RTN4IP1: variants seen among roughly 807,000 people sequenced by gnomAD.
The protein encoded by RTN4IP1 is NAD(P)H oxidoreductase RTN4IP1, mitochondrial.
In RTN4IP1, 32 loss-of-function variants were observed where a neutral mutation model predicts 46.6. That is an observed-to-expected ratio of 0.69 (90% CI 0.52 to 0.92). The LOEUF (loss-of-function observed/expected upper bound fraction) is 0.92, where lower values mean the gene tolerates loss of function less well. Among genes scored for constraint, RTN4IP1 ranks in the 40% least tolerant of loss-of-function variants. The probability of loss-of-function intolerance (pLI) is 0.00; values close to 1 mark genes in which losing one functional copy is unlikely to be tolerated. For synonymous variants in RTN4IP1, 167 were observed against 161.8 expected (o/e 1.03, Z -0.24); for missense variants, 424 against 485.8 (o/e 0.87, Z 1.20).
Position 106,622,883 on chromosome 6 carries a change from G to C in RTN4IP1, c.361C>G (p.Arg121Gly), listed in dbSNP as rs190857881. 1.2e-6 allele frequency: 2 copies of C among 1,614,054 alleles called. No homozygotes were observed. Among genetic ancestry groups the C allele is most frequent in the South Asian group, 1.1e-5 (1 of 91,078 alleles). ...TCCATCACCACGCCAGAGACATCCC[G>C]ACCCAGAGTCAGAGGAAATTCTTCT... ...KGEEFPLTLG[R>G]DVSGVVMECG... The change falls in exon 2 of 9, where the codon CGG (arginine) becomes GGG (glycine). Residue 121 changes from arginine to glycine, a missense_variant. Arg to Gly is a moderately radical substitution (Grantham distance 125). Coordinates refer to ENST00000369063, the MANE Select transcript of RTN4IP1 (RefSeq NM_032730.5).
At chr6:106,611,544 C>CT (rs1776225658) in intron 4 of RTN4IP1, among the ~76,000 whole-genome samples, 1 of 152,176 alleles carries the variant, frequency 6.6e-6, no homozygotes, top group Admixed American at 6.5e-5. Context: ...CCACAAACTA[C>CT]TTTTTTTCTC....
At chr6:106,597,712 T>C (rs1445985130) in intron 5 of RTN4IP1, among the ~76,000 whole-genome samples, 1 of 151,564 alleles carries the variant, frequency 6.6e-6, no homozygotes, top group Non-Finnish European at 1.5e-5. Flanking sequence ...TTTTTAATTA[T>C]ACTTTAAGTT....
Position 106,580,697 on chromosome 6 carries a change from C to T in RTN4IP1, c.1083+2631G>A, listed in dbSNP as rs1043042469. 4.9e-5 allele frequency among the ~76,000 whole-genome samples: 7 copies of T among 143,814 alleles called. No homozygotes were observed. The Admixed American group carries it at 5.3e-4, about 11-fold the overall frequency. The allele number at this position is 143,814 out of a possible 152,430, so 94.3% of individuals were successfully genotyped here. On this transcript the variant is annotated intron_variant, in intron 8 of 8. Coordinates refer to ENST00000369063, the MANE Select transcript of RTN4IP1 (RefSeq NM_032730.5). ...TCACACCACTGCACTCCAGCCTCGG[C>T]GACAGAGCAAGACTCTGTCTCAAAG...
intron 8 of RTN4IP1, among the ~76,000 whole-genome samples, chr6:106,574,550 A>G (rs1375111687): frequency 6.6e-6 from 1 of 152,202 alleles, no homozygotes; most frequent in Non-Finnish European, 1.5e-5. Context: ...TTACCTGGAA[A>G]AGGAATCACC....
At chr6:106,626,318 A>G (rs1385022968) in intron 1 of RTN4IP1, among the ~76,000 whole-genome samples, 1 of 152,150 alleles carries the variant, frequency 6.6e-6, no homozygotes, top group Non-Finnish European at 1.5e-5. Flanking sequence ...AACATTTGCC[A>G]TCTGGGGAGT....
intron 1 of RTN4IP1, among the ~76,000 whole-genome samples, chr6:106,626,470 G>A (rs965020431): frequency 6.6e-6 from 1 of 152,204 alleles, no homozygotes; most frequent in Non-Finnish European, 1.5e-5. Flanking sequence ...CTTCTATGTG[G>A]TTTGAACAAC....
intron 1 of RTN4IP1, among the ~76,000 whole-genome samples, chr6:106,623,489 A>G (rs1466019778): frequency 1.3e-5 from 2 of 152,208 alleles, no homozygotes; most frequent in Non-Finnish European, 2.9e-5. Context: ...CCCCCATGAC[A>G]CAAGCTCACC....
chr6:106,572,029 G>A lies in RTN4IP1; in HGVS notation c.1158C>T (p.His386=), dbSNP rs368243370. ...CATTAATTACAGTCTTTCCTCGTGC[G>A]TGTCCTCTTTCCACCTTCAGGAAGG... ...PEAFLKVERG[H]ARGKTVINVV is the part of the protein sequence containing the mutation. The change falls in exon 9 of 9, where the codon CAC becomes CAT. Residue 386 remains histidine, a synonymous_variant. Transcript: ENST00000369063. The A allele has an allele frequency of 8.1e-6, 13 of 1,613,018 alleles. No homozygotes were observed. The highest frequency in any genetic ancestry group is 3.3e-5 in the Admixed American group (2 of 60,004).
At chr6:106,604,094 G>A (rs556993782) in intron 4 of RTN4IP1, among the ~76,000 whole-genome samples, 1 of 152,236 alleles carries the variant, frequency 6.6e-6, no homozygotes, top group South Asian at 2.1e-4. Flanking sequence ...GAAAGTGCAG[G>A]GAATTTTGCC....
At chr6:106,591,136 T>C (rs1775651037) in intron 6 of RTN4IP1, among the ~76,000 whole-genome samples, 1 of 152,226 alleles carries the variant, frequency 6.6e-6, no homozygotes, top group South Asian at 2.1e-4. Context: ...TTCTTTAACC[T>C]TGCTATTTAT....
At chr6:106,629,528 T>G (rs892733163), upstream of RTN4IP1, 12 of 993,146 alleles carry the variant, frequency 1.2e-5, no homozygotes, top group African/African-American at 3.3e-5. Flanking sequence ...CAAAGATCAT[T>G]TCCTCGGGCT....
chr6:106,594,469 C>T (rs991295348), intron 5 of RTN4IP1, among the ~76,000 whole-genome samples: 4 of 152,012 alleles, frequency 2.6e-5, no homozygotes, highest in Non-Finnish European at 4.4e-5. Context: ...AAGGTCGTAC[C>T]ACTGCACTCC....
chr6:106,594,988 T>G (rs2353040), intron 5 of RTN4IP1, among the ~76,000 whole-genome samples: 140,551 of 152,010 alleles, frequency 0.92, 65,580 homozygotes, highest in Non-Finnish European at 1. Flanking sequence ...TTTTAGTAGA[T>G]ATGGGATTTC....
At chr6:106,577,266 C>T (rs1465202197) in intron 8 of RTN4IP1, among the ~76,000 whole-genome samples, 2 of 151,802 alleles carry the variant, frequency 1.3e-5, no homozygotes, top group Non-Finnish European at 2.9e-5. Flanking sequence ...AAAACCTTGT[C>T]TCTACAAAAA....
chr6:106,595,639 A>G (rs1379230277), intron 5 of RTN4IP1, among the ~76,000 whole-genome samples: 1 of 140,116 alleles, frequency 7.1e-6, no homozygotes, highest in African/African-American at 2.5e-5. Context: ...CTGAGATTAC[A>G]GGTGCCCACC....
chr6:106,603,001 T>C, intron 4 of RTN4IP1, 79 bp from the exon 5 acceptor site: 1 of 946,094 alleles, frequency 1.1e-6, no homozygotes, highest in South Asian at 1.6e-5. Flanking sequence ...AAATAACTGG[T>C]TGATGATAAG....
At chr6:106,597,667 T>C (rs1156825387) in intron 5 of RTN4IP1, among the ~76,000 whole-genome samples, 2 of 151,982 alleles carry the variant, frequency 1.3e-5, no homozygotes, top group Middle Eastern at 6.4e-3. Context: ...TTTTGTAATT[T>C]GAATTTTTTT....
Position 106,583,394 on chromosome 6 carries a change from G to C in RTN4IP1, c.1017C>G (p.Arg339=). 3.7e-6 allele frequency: 6 copies of C among 1,613,414 alleles called. No homozygotes were observed. The highest frequency in any genetic ancestry group is 5.1e-6 in the Non-Finnish European group (6 of 1,179,510). The part of the protein sequence containing the change: ...LKHFWKGVHY[R]WAFFMASGPC... ...GGCCACTGGCCATGAAAAATGCCCA[G>C]CGATAATGGACTCCTTTCCAGAAAT... The change falls in exon 8 of 9, where the codon CGC becomes CGG. Residue 339 remains arginine, a synonymous_variant. Transcript: ENST00000369063.
At chr6:106,604,203 A>T (rs1776007215) in intron 4 of RTN4IP1, among the ~76,000 whole-genome samples, 1 of 152,184 alleles carries the variant, frequency 6.6e-6, no homozygotes, top group South Asian at 2.1e-4. Flanking sequence ...CCCAAATCAT[A>T]GAAGGCTGTT....
Sources: allele counts gnomAD v4.1 joint callset (sites outside exome capture counted in the v4.1 genomes callset), GRCh38; gene constraint gnomAD v4.1.1; transcripts MANE v1.5; gene names NCBI Gene and HGNC (gene_info 2026-07-23, HGNC 2026-07-21).